STK35: variants seen among roughly 807,000 people sequenced by gnomAD.
STK35 encodes the protein serine/threonine kinase 35, also known as serine/threonine-protein kinase 35.
In STK35, 17 loss-of-function variants were observed where a neutral mutation model predicts 37.3. The ratio of observed to expected loss-of-function variants is 0.46; its 90% CI spans 0.31 to 0.68. The LOEUF (loss-of-function observed/expected upper bound fraction) is 0.68. STK35 is among the 30% of genes least tolerant of loss of function. The probability of loss-of-function intolerance (pLI) is 0.05; values close to 1 mark genes in which losing one functional copy is unlikely to be tolerated. For missense variants in STK35, 595 were observed against 746.7 expected, an observed-to-expected ratio of 0.80 and a Z score of 2.37; for synonymous variants, 385 against 319.1, an observed-to-expected ratio of 1.21 and a Z score of -2.20.
intron 3 of STK35, among the ~76,000 whole-genome samples, chr20:2,141,382 A>T (rs1986169797): frequency 6.6e-6 from 1 of 152,098 alleles, no homozygotes; most frequent in Non-Finnish European, 1.5e-5. Flanking sequence ...TTCTTTCCAG[A>T]TCAGCCACAC....
rs528772820 is a variant in STK35 at position 2,144,333 on chromosome 20, C to G, written c.*587C>G. The G allele has an allele frequency of 4.5e-4, 78 of 173,942 alleles. 2 individuals carry two copies. The South Asian group carries it at 9.4e-3, about 21-fold the overall frequency. The allele number at this position is 173,942 out of a possible 1,614,324, so 10.8% of individuals were successfully genotyped here. ...CTCCTGGACTCCTTGGTGGGCTGGCCCTGGCTAGCCCTTGGGCCTCGGAGA... is the reference window on the plus strand; with the variant it reads ...CTCCTGGACTCCTTGGTGGGCTGGCGCTGGCTAGCCCTTGGGCCTCGGAGA... On this transcript the variant is annotated 3_prime_UTR_variant, in exon 4 of 4. Transcript: ENST00000381482.
chr20:2,135,226 A>G (rs1986066568), intron 3 of STK35, among the ~76,000 whole-genome samples: 1 of 152,234 alleles, frequency 6.6e-6, no homozygotes, highest in Admixed American at 6.5e-5. Context: ...CCTGGGCGAC[A>G]GTCTGTCTGC....
chr20:2,127,251 C>T (rs1985921631), intron 3 of STK35, among the ~76,000 whole-genome samples: 1 of 151,792 alleles, frequency 6.6e-6, no homozygotes, highest in Non-Finnish European at 1.5e-5. Context: ...GTACAGCACC[C>T]CTTTGTTTTT....
intron 3 of STK35, among the ~76,000 whole-genome samples, chr20:2,141,707 G>A (rs992641286): frequency 1.3e-5 from 2 of 152,124 alleles, no homozygotes; most frequent in African/African-American, 4.8e-5. Context: ...CTACACTGAG[G>A]GGTTTGTGTT....
At position 2,102,839 on chromosome 20, in the gene STK35, A is replaced by C; in HGVS notation, c.366A>C (p.Ala122=). 3 of 1,537,158 alleles carry C rather than the reference A, an allele frequency of 2.0e-6. No individual in the cohort carries two copies. In the South Asian group the frequency reaches 3.6e-5, roughly 18 times the overall value. The change falls in exon 2 of 4, where the codon GCA becomes GCC. Residue 122 remains alanine (A), a synonymous_variant. Transcript: ENST00000381482. Reference sequence around the variant, plus strand: ...GGGATGAGGCAGGGGGGGCCCGGGCAGCGCCGTTGCTGCTCCCCCCGCCGC... The same window carrying C: ...GGGATGAGGCAGGGGGGGCCCGGGCCGCGCCGTTGCTGCTCCCCCCGCCGC... ...GRRDEAGGAR[A]APLLLPPPPA... is the part of the protein sequence containing the mutation.
rs145343995 is a variant in STK35 at position 2,107,518 on chromosome 20, G to A, written c.892+4153G>A. 5.5e-3 allele frequency among the ~76,000 whole-genome samples: 838 copies of A among 152,340 alleles called. 5 individuals are homozygous for A. The highest frequency in any genetic ancestry group is 0.011 in the South Asian group (53 of 4,826). On this transcript the variant is annotated intron_variant, in intron 2 of 3. Coordinates refer to ENST00000381482, the MANE Select transcript of STK35 (RefSeq NM_080836.4). ...AGAGTTTTTCTCCACGAGGCATGCAGAGGACGCATGCCCACATGAACATAA... is the reference window on the plus strand; with the variant it reads ...AGAGTTTTTCTCCACGAGGCATGCAAAGGACGCATGCCCACATGAACATAA...
At chr20:2,108,763 G>A (rs767840095) in intron 2 of STK35, among the ~76,000 whole-genome samples, 1 of 152,174 alleles carries the variant, frequency 6.6e-6, no homozygotes, top group Non-Finnish European at 1.5e-5. Flanking sequence ...TTAATTGAGA[G>A]CTTTGGTTAA....
intron 3 of STK35, among the ~76,000 whole-genome samples, chr20:2,135,660 C>A (rs1986074357): frequency 1.3e-5 from 2 of 152,180 alleles, no homozygotes; most frequent in African/African-American, 4.8e-5. Flanking sequence ...CCCAGGAGTT[C>A]AAGACCAGCT....
intron 2 of STK35, among the ~76,000 whole-genome samples, chr20:2,113,531 G>C (rs1197796599): frequency 6.6e-6 from 1 of 152,154 alleles, no homozygotes; most frequent in African/African-American, 2.4e-5. Context: ...GGAATAGCCT[G>C]GTCTGCCTAG....
At chr20:2,141,860 G>C (rs6082109) in intron 3 of STK35, among the ~76,000 whole-genome samples, 1 of 152,166 alleles carries the variant, frequency 6.6e-6, no homozygotes, top group Non-Finnish European at 1.5e-5. Flanking sequence ...GTGCGTTGAA[G>C]GATCATTTGC....
chr20:2,147,825 C>T lies in STK35; in HGVS notation c.*4079C>T, dbSNP rs1986298139. ...GAAGAGCCAAGCTGACATTGTTTAG[C>T]TCTTCAGGCCACTGGGTTTTGGAGG... On this transcript the variant is annotated 3_prime_UTR_variant, in exon 4 of 4. Transcript: ENST00000381482. 1 of 152,250 alleles carries T rather than the reference C, an allele frequency of 6.6e-6. No individual in the cohort carries two copies. Among genetic ancestry groups the T allele is most frequent in the South Asian group, 2.1e-4 (1 of 4,826 alleles). 9.4% of individuals were successfully genotyped at this position (152,250 alleles called of 1,614,324 possible).
intron 2 of STK35, among the ~76,000 whole-genome samples, chr20:2,106,039 T>C (rs563655258): frequency 1.3e-5 from 2 of 152,340 alleles, no homozygotes; most frequent in East Asian, 3.9e-4. Flanking sequence ...TTGTTTCTGC[T>C]TATGAAAATG....
At chr20:2,109,527 C>T (rs1985578089) in intron 2 of STK35, among the ~76,000 whole-genome samples, 2 of 152,226 alleles carry the variant, frequency 1.3e-5, no homozygotes, top group African/African-American at 4.8e-5. Context: ...CGTCAGTGTC[C>T]ATCAAGGTCA....
intron 3 of STK35, among the ~76,000 whole-genome samples, chr20:2,124,713 C>T (rs1985875167): frequency 6.6e-6 from 1 of 152,070 alleles, no homozygotes; most frequent in South Asian, 2.1e-4. Context: ...TCTCTTTTCT[C>T]GCAGGAAATT....
chr20:2,105,712 T>TAA (rs1291948425), intron 2 of STK35, among the ~76,000 whole-genome samples: 4 of 151,956 alleles, frequency 2.6e-5, no homozygotes, highest in Non-Finnish European at 5.9e-5. Flanking sequence ...CTGCCTTATA[T>TAA]AAGTTCACAC....
chr20:2,144,353 C>T lies in STK35; in HGVS notation c.*607C>T, dbSNP rs1986222637. ...CTGGCCCTGGCTAGCCCTTGGGCCT[C>T]GGAGATGATCAGAGGTGAAGAACCG... On this transcript the variant is annotated 3_prime_UTR_variant, in exon 4 of 4. Transcript: ENST00000381482. The T allele has an allele frequency of 6.0e-6, 1 of 167,090 alleles. No individual in the cohort carries two copies. The highest frequency in any genetic ancestry group is 2.4e-5 in the African/African-American group (1 of 41,608). The allele number at this position is 167,090 out of a possible 1,614,324, so 10.4% of individuals were successfully genotyped here. A position where few individuals can be genotyped will look rare whatever the true frequency, so the allele number is the denominator to read the frequency against.
chr20:2,117,195 C>A lies in STK35; in HGVS notation c.1422C>A (p.Val474=), dbSNP rs754831635. The change falls in exon 3 of 4, where the codon GTC becomes GTA. Residue 474 remains valine (V), a synonymous_variant. Transcript: ENST00000381482. This position sits in a 1 kb window ranked among gnomAD's most constrained non-coding sequence, Gnocchi z 4.4. ...GTYIKQGTEI[V]PVGEALLENP... ...ACATTAAACAGGGGACTGAGATCGTCCCTGTTGGTGAGGCGCTGCTAGAAA... is the reference window on the plus strand; with the variant it reads ...ACATTAAACAGGGGACTGAGATCGTACCTGTTGGTGAGGCGCTGCTAGAAA... 5 of 1,614,160 alleles carry A rather than the reference C, an allele frequency of 3.1e-6. No homozygotes were observed. In the Admixed American group the frequency reaches 8.3e-5, roughly 27 times the overall value.
intron 3 of STK35, among the ~76,000 whole-genome samples, chr20:2,120,976 A>G (rs1290156132): frequency 1.3e-5 from 2 of 152,090 alleles, no homozygotes; most frequent in African/African-American, 2.4e-5. Context: ...CCTTTGAGCG[A>G]ATGTTAGAAG....
intron 3 of STK35, among the ~76,000 whole-genome samples, chr20:2,143,192 G>A (rs1986199098): frequency 6.6e-6 from 1 of 152,160 alleles, no homozygotes; most frequent in South Asian, 2.1e-4. Context: ...GTGCACTGCA[G>A]CAGACAGTGC....
Sources: allele counts gnomAD v4.1 joint callset (sites outside exome capture counted in the v4.1 genomes callset), GRCh38; gene constraint gnomAD v4.1.1; non-coding constraint Gnocchi (gnomAD v3.1); transcripts MANE v1.5; gene names NCBI Gene and HGNC (gene_info 2026-07-23, HGNC 2026-07-21).